TLE1: variants seen among roughly 807,000 people sequenced by gnomAD.
TLE1 encodes the protein TLE family member 1, transcriptional corepressor.
Under a neutral mutation model 89.8 loss-of-function variants are expected in TLE1, and 21 were observed. The ratio of observed to expected loss-of-function variants is 0.23; its 90% CI spans 0.17 to 0.34. The LOEUF is 0.34. Among genes scored for constraint, TLE1 ranks in the 10% least tolerant of loss-of-function variants. The probability of loss-of-function intolerance (pLI) is 1.00; values close to 1 mark genes in which losing one functional copy is unlikely to be tolerated. For missense variants in TLE1, 795 were observed against 1,031.2 expected (o/e 0.77, Z 3.14); for synonymous variants, 447 against 407.6 (o/e 1.10, Z -1.16).
intron 14 of TLE1, among the ~76,000 whole-genome samples, chr9:81,609,081 C>T (rs970979287): frequency 6.6e-6 from 1 of 151,022 alleles, no homozygotes; most frequent in African/African-American, 2.5e-5. Flanking sequence ...CCTCTCCTCT[C>T]CTTTCCTTTC....
At chr9:81,627,318 C>CT (rs56255759) in intron 8 of TLE1, among the ~76,000 whole-genome samples, 42,131 of 147,536 alleles carry the variant, frequency 0.29, 6,206 homozygotes, top group East Asian at 0.36. Flanking sequence ...TGTTCTCTCA[C>CT]TTTTTTTTTT....
At chr9:81,624,886 GA>G (rs1361876204) in intron 8 of TLE1, among the ~76,000 whole-genome samples, 1 of 152,110 alleles carries the variant, frequency 6.6e-6, no homozygotes, top group African/African-American at 2.4e-5. Flanking sequence ...CAAATCAGCT[GA>G]AAACACACTG....
intron 4 of TLE1, among the ~76,000 whole-genome samples, chr9:81,673,699 G>A (rs897582180): frequency 1.3e-5 from 2 of 151,836 alleles, no homozygotes; most frequent in Admixed American, 6.5e-5. Flanking sequence ...TGGGAAGGTT[G>A]ACACGGGGAG....
chr9:81,656,694 G>A (rs1337767969), intron 4 of TLE1, among the ~76,000 whole-genome samples: 1 of 152,210 alleles, frequency 6.6e-6, no homozygotes, highest in Admixed American at 6.5e-5. Flanking sequence ...TCAAACATGT[G>A]TCAGGGACAC....
At chr9:81,650,967 A>G (rs1002768648) in intron 6 of TLE1, among the ~76,000 whole-genome samples, 2 of 152,196 alleles carry the variant, frequency 1.3e-5, no homozygotes, top group Admixed American at 6.5e-5. Context: ...TGATGAAAGG[A>G]GAGTTTTCAA....
At chr9:81,661,977 C>CA (rs1830854715) in intron 4 of TLE1, among the ~76,000 whole-genome samples, 1 of 152,018 alleles carries the variant, frequency 6.6e-6, no homozygotes, top group Non-Finnish European at 1.5e-5. Flanking sequence ...CAATGTGTTT[C>CA]AAGAGCATGA....
chr9:81,609,543 G>A (rs1305405013), intron 14 of TLE1, among the ~76,000 whole-genome samples: 1 of 152,192 alleles, frequency 6.6e-6, no homozygotes, highest in Non-Finnish European at 1.5e-5. Context: ...AATTTTTAAA[G>A]TGACCCAGGA....
intron 1 of TLE1, 144 bp downstream of exon 1, chr9:81,688,073 G>A (rs1232157288): frequency 5.0e-6 from 5 of 1,003,494 alleles, no homozygotes; most frequent in Middle Eastern, 2.1e-4. Flanking sequence ...ACCCCAGGAA[G>A]AGAGGGCCCC....
At chr9:81,618,940 C>T in intron 9 of TLE1, among the ~76,000 whole-genome samples, 1 of 152,128 alleles carries the variant, frequency 6.6e-6, no homozygotes, top group East Asian at 1.9e-4. Context: ...GATTCTCCAA[C>T]ATACTCTCCA....
intron 14 of TLE1, among the ~76,000 whole-genome samples, chr9:81,603,256 T>C (rs1347393319): frequency 6.6e-6 from 1 of 152,190 alleles, no homozygotes; most frequent in Admixed American, 6.5e-5. Flanking sequence ...TGTTCCTCTG[T>C]AATAGCTCCG....
intron 8 of TLE1, chr9:81,620,950 TTAACTG>T: frequency 3.9e-6 from 2 of 512,234 alleles, no homozygotes; most frequent in Non-Finnish European, 7.7e-6. Flanking sequence ...GACATATTCT[TTAACTG>T]TAAGAGTCAA....
At chr9:81,672,135 G>A (rs888531444) in intron 4 of TLE1, among the ~76,000 whole-genome samples, 9 of 152,216 alleles carry the variant, frequency 5.9e-5, no homozygotes, top group East Asian at 3.9e-4. Flanking sequence ...ATCAGAAGGC[G>A]GCCAACTTTG....
At chr9:81,687,199 T>C in intron 2 of TLE1, 135 bp downstream of exon 2, 1 of 645,472 alleles carries the variant, frequency 1.5e-6, no homozygotes, top group Non-Finnish European at 2.7e-6. Context: ...GTAACTTGAA[T>C]GACAGGTCTT....
intron 16 of TLE1, among the ~76,000 whole-genome samples, chr9:81,588,188 C>T (rs753494574): frequency 3.9e-5 from 6 of 152,128 alleles, no homozygotes; most frequent in Non-Finnish European, 8.8e-5. Context: ...AAGACAAACA[C>T]ACAAAATCCC....
chr9:81,632,471 ATCCCTTTTT>A (rs1826775357), intron 8 of TLE1, among the ~76,000 whole-genome samples: 2 of 133,716 alleles, frequency 1.5e-5, no homozygotes, highest in Admixed American at 1.7e-4. Flanking sequence ...AATGTTCAGT[ATCCCTTTTT>A]TTTTTTTTTT....
At chr9:81,662,361 TTGTGTGTGTGTGTGTGTGTGTG>T (rs371936084) in intron 4 of TLE1, among the ~76,000 whole-genome samples, 5 of 138,470 alleles carry the variant, frequency 3.6e-5, no homozygotes, top group Admixed American at 1.5e-4. Flanking sequence ...TGTGCCTGTT[TTGTGTGTGTGTGTGTGTGTGTG>T]TGTGTGTGTG....
intron 4 of TLE1, among the ~76,000 whole-genome samples, chr9:81,685,450 A>G (rs1249555073): frequency 1.3e-5 from 2 of 152,204 alleles, no homozygotes; most frequent in Non-Finnish European, 2.9e-5. Context: ...AGGCTAGTTT[A>G]TATTTCCAAA....
At chr9:81,668,461 A>G (rs903849121) in intron 4 of TLE1, among the ~76,000 whole-genome samples, 12 of 152,142 alleles carry the variant, frequency 7.9e-5, no homozygotes, top group African/African-American at 2.7e-4. Flanking sequence ...ATATTGACTC[A>G]CCCATGCATG....
At chr9:81,640,454 G>A (rs1233757094) in intron 6 of TLE1, among the ~76,000 whole-genome samples, 1 of 151,902 alleles carries the variant, frequency 6.6e-6, no homozygotes, top group Non-Finnish European at 1.5e-5. Context: ...ACTACACTGG[G>A]AAATTTTACA....
Sources: allele counts gnomAD v4.1 joint callset (sites outside exome capture counted in the v4.1 genomes callset), GRCh38; gene constraint gnomAD v4.1.1; transcripts MANE v1.5; gene names NCBI Gene and HGNC (gene_info 2026-07-23, HGNC 2026-07-21).